Variants in SDK2 observed in about 807,000 individuals in gnomAD.
SDK2 encodes the protein protein sidekick-2.
A neutral mutation model predicts 253.9 loss-of-function variants in SDK2; 105 were observed. The ratio of observed to expected loss-of-function variants is 0.41; its 90% CI spans 0.35 to 0.49. The LOEUF is 0.49. Among genes scored for constraint, SDK2 ranks in the 20% least tolerant of loss-of-function variants. SDK2 has a pLI of 0.06. For missense variants in SDK2, 2,608 were observed against 3,003.0 expected, an observed-to-expected ratio of 0.87 and a Z score of 3.07; for synonymous variants, 1,249 against 1,234.9, an observed-to-expected ratio of 1.01 and a Z score of -0.24.
chr17:73,580,834 G>C (rs1033120525), intron 1 of SDK2, among the ~76,000 whole-genome samples: 14 of 152,186 alleles, frequency 9.2e-5, no homozygotes, highest in African/African-American at 3.4e-4. Context: ...TCCCAAATAG[G>C]AAAATCCAAA....
rs1356677897 is a variant in SDK2, at chr17:73,334,484, TAA to T, written c.*4101_*4102del. On this transcript the variant is annotated 3_prime_UTR_variant, in exon 45 of 45. Transcript: ENST00000392650. ...ATCAATTTCTTTCTTACCTTTCATT[TAA>T]AAAATAAACCTGCTAACACGCTATA... 3 of 152,248 alleles carry T rather than the reference TAA, an allele frequency of 2.0e-5. No homozygotes were observed. Among genetic ancestry groups the T allele is most frequent in the Admixed American group, 2.0e-4 (3 of 15,278 alleles). 9.4% of individuals were successfully genotyped at this position (152,248 alleles called of 1,614,324 possible).
chr17:73,500,434 A>ATCCATCCTCCCTCCATCCTCCG, intron 2 of SDK2, among the ~76,000 whole-genome samples: 1 of 83,912 alleles, frequency 1.2e-5, no homozygotes, highest in Non-Finnish European at 2.4e-5. Flanking sequence ...ATCATCCTCC[A>ATCCATCCTCCCTCCATCCTCCG]TCCATCCTCC....
intron 1 of SDK2, among the ~76,000 whole-genome samples, chr17:73,567,898 C>T (rs573008714): frequency 6.6e-6 from 1 of 152,356 alleles, no homozygotes; most frequent in East Asian, 1.9e-4. Flanking sequence ...AAATTTAAAA[C>T]AACTTGCCTT....
intron 1 of SDK2, among the ~76,000 whole-genome samples, chr17:73,587,789 T>G (rs570275057): frequency 1.1e-4 from 17 of 152,342 alleles, no homozygotes; most frequent in African/African-American, 3.6e-4. Context: ...AACTGGCTTC[T>G]CCTTTCCTAA....
rs544082519 is a variant in SDK2 at position 73,570,591 on chromosome 17, G to A, written c.65-62994C>T. 1.3e-5 allele frequency among the ~76,000 whole-genome samples: 2 copies of A among 152,182 alleles called. No homozygotes were observed. The highest frequency in any genetic ancestry group is 6.5e-5 in the Admixed American group (1 of 15,288). ...ACCTTCCACTGAGCGCTGACTACCCGTGAGGCACTGAACACCACCATCAGC... is the reference window on the plus strand; with the variant it reads ...ACCTTCCACTGAGCGCTGACTACCCATGAGGCACTGAACACCACCATCAGC... On this transcript the variant is annotated intron_variant, in intron 1 of 44. Transcript: ENST00000392650. This position sits in a 1 kb window ranked among gnomAD's most constrained non-coding sequence, Gnocchi z 4.2.
In SDK2 at chr17:73,644,066, G is replaced by A; in HGVS notation, c.23C>T (p.Thr8Ile). The A allele has an allele frequency of 6.4e-7, 1 of 1,550,848 alleles. No homozygotes were observed. The highest frequency in any genetic ancestry group is 1.7e-4 in the Middle Eastern group (1 of 5,960). The change falls in exon 1 of 45, where the codon ACA becomes ATA. Residue 8 changes from threonine to isoleucine, a missense_variant. Transcript: ENST00000392650. The surrounding 1 kb of genome is among the most constrained non-coding windows in gnomAD (Gnocchi z 6.3). The part of the protein sequence containing the change: MWGLLIW[T>I]LLALHQIRAA... ...GCGGATCTGATGCAGAGCTAGCAGTGTCCAGATCAAAAGCCCCCACATGGT... is the reference window on the plus strand; with the variant it reads ...GCGGATCTGATGCAGAGCTAGCAGTATCCAGATCAAAAGCCCCCACATGGT...
chr17:73,635,596 A>C (rs960271678), intron 1 of SDK2, among the ~76,000 whole-genome samples: 1 of 152,210 alleles, frequency 6.6e-6, no homozygotes, highest in Admixed American at 6.5e-5. Context: ...TCCCTGAATG[A>C]GCCTCATTAT....
chr17:73,549,130 C>G (rs76115241), intron 1 of SDK2, among the ~76,000 whole-genome samples: 1 of 152,156 alleles, frequency 6.6e-6, no homozygotes, highest in East Asian at 1.9e-4. Context: ...AATTTCCCTG[C>G]GAAGGAAAAA....
At chr17:73,545,376 G>A (rs1024170622) in intron 1 of SDK2, among the ~76,000 whole-genome samples, 2 of 152,016 alleles carry the variant, frequency 1.3e-5, no homozygotes, top group Admixed American at 6.5e-5. Flanking sequence ...TGATTGTGTC[G>A]CCACCTCAGT....
intron 33 of SDK2, among the ~76,000 whole-genome samples, chr17:73,381,733 G>A (rs1326212619): frequency 1.3e-5 from 2 of 150,428 alleles, no homozygotes; most frequent in African/African-American, 4.9e-5. Context: ...AGTGAAACCC[G>A]GTCTCTACTA....
intron 1 of SDK2, among the ~76,000 whole-genome samples, chr17:73,547,144 G>A (rs960543273): frequency 3.9e-5 from 6 of 152,220 alleles, no homozygotes; most frequent in Admixed American, 6.5e-5. Flanking sequence ...AGCTGCAAGT[G>A]ATATAGTCAG....
intron 28 of SDK2, among the ~76,000 whole-genome samples, chr17:73,390,888 G>A (rs540077813): frequency 4.6e-5 from 7 of 152,190 alleles, no homozygotes; most frequent in South Asian, 2.1e-4. Flanking sequence ...CAGGTGGTGC[G>A]TGAGGTCAGG....
chr17:73,387,162 G>C (rs1213185015), intron 30 of SDK2, among the ~76,000 whole-genome samples: 1 of 152,226 alleles, frequency 6.6e-6, no homozygotes, highest in African/African-American at 2.4e-5. Context: ...TTTTCACCAT[G>C]TTGGCCAGAC....
At chr17:73,474,022 T>A (rs1002508204) in intron 2 of SDK2, among the ~76,000 whole-genome samples, 1 of 152,194 alleles carries the variant, frequency 6.6e-6, no homozygotes, top group Non-Finnish European at 1.5e-5. Flanking sequence ...TCCTTCTTTA[T>A]ATTAAAAAAA....
intron 3 of SDK2, among the ~76,000 whole-genome samples, chr17:73,466,727 C>CCCCCCCTTT (rs1567789320): frequency 7.5e-6 from 1 of 133,994 alleles, no homozygotes; most frequent in Admixed American, 7.0e-5. Flanking sequence ...CCCCCCCCCC[C>CCCCCCCTTT]GGCTTAGGCT....
At chr17:73,532,786 A>G (rs1377611562) in intron 1 of SDK2, among the ~76,000 whole-genome samples, 1 of 152,044 alleles carries the variant, frequency 6.6e-6, no homozygotes, top group Non-Finnish European at 1.5e-5. Context: ...CATCCCAGAC[A>G]GGAAGGAAGG....
intron 2 of SDK2, among the ~76,000 whole-genome samples, chr17:73,491,178 C>T (rs1451011780): frequency 1.3e-5 from 2 of 152,118 alleles, no homozygotes; most frequent in Non-Finnish European, 2.9e-5. Flanking sequence ...GTTATTACTA[C>T]TCCTTCATCT....
intron 12 of SDK2, among the ~76,000 whole-genome samples, chr17:73,428,849 G>A (rs1939126707): frequency 6.6e-6 from 1 of 152,056 alleles, no homozygotes; most frequent in South Asian, 2.1e-4. Flanking sequence ...GGGGGATAAA[G>A]GGATGATTCT....
Position 73,435,104 on chromosome 17 carries a change from C to T in SDK2, c.1195+346G>A, listed in dbSNP as rs1477132624. ...GCAGGTCTTCTGGAATGGGGTTACT[C>T]CAGCCCTGCCTGGGAACCCAGGGAT... On this transcript the variant is annotated intron_variant, in intron 9 of 44. Transcript: ENST00000392650. This position sits in a 1 kb window ranked among gnomAD's most constrained non-coding sequence, Gnocchi z 5.7. Among the ~76,000 whole-genome samples the T allele has an allele frequency of 1.3e-5, 2 of 152,182 alleles. No homozygotes were observed. The highest frequency in any genetic ancestry group is 2.4e-5 in the African/African-American group (1 of 41,444).
Sources: gnomAD v4.1 joint callset for allele counts (sites outside exome capture counted in the v4.1 genomes callset) on GRCh38, gnomAD v4.1.1 for gene constraint, Gnocchi (gnomAD v3.1) non-coding constraint, MANE v1.5 for transcripts, NCBI Gene and HGNC (gene_info 2026-07-23, HGNC 2026-07-21) for gene names.